The following SLC6A20 variants were observed in gnomAD, a reference collection of about 807,000 sequenced individuals.
The protein encoded by SLC6A20 is sodium- and chloride-dependent transporter XTRP3.
Under a neutral mutation model 64.3 loss-of-function variants are expected in SLC6A20, and 73 were observed. The ratio of observed to expected loss-of-function variants is 1.14; its 90% CI spans 0.94 to 1.38. SLC6A20 has a LOEUF of 1.38. Among genes scored for constraint, SLC6A20 ranks in the 40% most tolerant of loss-of-function variants. The probability of loss-of-function intolerance (pLI) is 0.00; values close to 1 mark genes in which losing one functional copy is unlikely to be tolerated. For missense variants in SLC6A20, 725 were observed against 772.8 expected, an observed-to-expected ratio of 0.94 and a Z score of 0.73; for synonymous variants, 347 against 329.6, an observed-to-expected ratio of 1.05 and a Z score of -0.57.
chr3:45,764,708 C>CAAAAA (rs71288017), intron 8 of SLC6A20, among the ~76,000 whole-genome samples: 40 of 107,270 alleles, frequency 3.7e-4, no homozygotes, highest in Non-Finnish European at 6.6e-4. Flanking sequence ...TCTTTAAAAA[C>CAAAAA]AAAAAAAAAA....
chr3:45,780,051 G>A lies in SLC6A20; in HGVS notation c.312C>T (p.Val104=). ...VSFFLSMYYN[V]INAWAFWYLF... ...GGTACCAGAAGGCCCAGGCGTTGAT[G>A]ACGTTGTAGTACATGGAGAGGAAGA... Residue 104 remains valine, a synonymous_variant, in exon 3 of 11, where the codon GTC becomes GTT. Transcript: ENST00000358525. 1 of 1,605,606 alleles carries A rather than the reference G, an allele frequency of 6.2e-7. No homozygotes were observed.
chr3:45,795,893 T>C (rs1215610299), intron 1 of SLC6A20, among the ~76,000 whole-genome samples: 1 of 152,226 alleles, frequency 6.6e-6, no homozygotes, highest in African/African-American at 2.4e-5. Context: ...GAAAGTTGTA[T>C]AACGAGTTTC....
chr3:45,768,729 A>G (rs1303030189), intron 7 of SLC6A20, among the ~76,000 whole-genome samples: 2 of 152,176 alleles, frequency 1.3e-5, no homozygotes, highest in Non-Finnish European at 2.9e-5. Flanking sequence ...CCACCCCAAA[A>G]ATATCAACCT....
chr3:45,765,941 C>G lies in SLC6A20; in HGVS notation c.1099-200G>C, dbSNP rs540144924. On this transcript the variant is annotated intron_variant, in intron 7 of 10. Coordinates refer to ENST00000358525, the MANE Select transcript of SLC6A20 (RefSeq NM_020208.4). The surrounding 1 kb of genome is among the most constrained non-coding windows in gnomAD (Gnocchi z 4.2). Reference sequence around the variant, plus strand: ...GGGAGCTGCCAGGAGCTCATATATGCAAAGCACGTGAGAACTTGTAGCCAG... The same window carrying G: ...GGGAGCTGCCAGGAGCTCATATATGGAAAGCACGTGAGAACTTGTAGCCAG... Among the ~76,000 whole-genome samples, 14 of 152,354 alleles carry G rather than the reference C, an allele frequency of 9.2e-5. No homozygotes were observed. The highest frequency in any genetic ancestry group is 3.4e-4 in the African/African-American group (14 of 41,582).
At position 45,762,499 on chromosome 3, in the gene SLC6A20, CT is replaced by C. The variant is rs1699701337; in HGVS notation, c.1463+413del. On this transcript the variant is annotated intron_variant, in intron 9 of 10. Coordinates refer to ENST00000358525, the MANE Select transcript of SLC6A20 (RefSeq NM_020208.4). ...CTGTGCACTGGGATTGAGAACCTCA[CT>C]GACTAAATTTTGAATCTGCCAAATT... is the stretch of plus-strand genomic sequence containing the variant. Among the ~76,000 whole-genome samples the C allele has an allele frequency of 3.9e-5, 6 of 152,350 alleles. No homozygotes were observed. In the South Asian group the frequency reaches 1.0e-3, roughly 26 times the overall value.
intron 9 of SLC6A20, 57 bp downstream of exon 9, chr3:45,762,856 G>A: frequency 6.3e-7 from 1 of 1,599,708 alleles, no homozygotes; most frequent in Non-Finnish European, 8.6e-7. Flanking sequence ...TCCTTGAGGG[G>A]CGTGGCCTCT....
At chr3:45,759,171 A>G in intron 10 of SLC6A20, 44 bp from the exon 11 acceptor site, 5 of 1,569,510 alleles carry the variant, frequency 3.2e-6, no homozygotes, top group Non-Finnish European at 4.3e-6. Flanking sequence ...CCTGCTGAGC[A>G]CTGCCCCTGG....
intron 5 of SLC6A20, 119 bp from the exon 6 acceptor site, chr3:45,771,577 G>T (rs899852366): frequency 2.0e-6 from 3 of 1,505,692 alleles, no homozygotes; most frequent in Non-Finnish European, 2.7e-6. Context: ...GCAGCCATCA[G>T]GGGCACCCCT....
intron 1 of SLC6A20, 141 bp downstream of exon 1, chr3:45,796,158 C>T: frequency 6.8e-7 from 1 of 1,462,214 alleles, no homozygotes; most frequent in East Asian, 2.6e-5. Flanking sequence ...GGAACACTCC[C>T]GGGTCTGTAA....
At chr3:45,770,803 TAA>T (rs1370281635) in intron 6 of SLC6A20, among the ~76,000 whole-genome samples, 1 of 152,216 alleles carries the variant, frequency 6.6e-6, no homozygotes, top group Non-Finnish European at 1.5e-5. Flanking sequence ...TGTAAATTTG[TAA>T]ATAGCCACTT....
rs780083357 is a variant in SLC6A20, at chr3:45,772,598, C to T, written c.600G>A (p.Ala200=). The T allele has an allele frequency of 2.0e-5, 32 of 1,613,546 alleles. No homozygotes were observed. The African/African-American group carries it at 2.3e-4, about 11-fold the overall frequency. ...ESTGKVVYFT[A]SLPYCVLIIY... ...TGATGAGCACGCAATAGGGCAGTGA[C>T]GCCGTGAAATACACCACCTGCGGGC... is the stretch of plus-strand genomic sequence containing the variant. Residue 200 remains alanine (A), a synonymous_variant, in exon 5 of 11, where the codon GCG becomes GCA. Transcript: ENST00000358525.
rs143463150 is a variant in SLC6A20 at position 45,777,490 on chromosome 3, T to C, written c.355-1502A>G. Among the ~76,000 whole-genome samples the C allele has an allele frequency of 8.9e-3, 1,350 of 152,334 alleles. 28 individuals carry two copies. Among genetic ancestry groups the C allele is most frequent in the African/African-American group, 0.03 (1,257 of 41,572 alleles). On this transcript the variant is annotated intron_variant, in intron 3 of 10. Transcript: ENST00000358525. Reference sequence around the variant, plus strand: ...CTCAGCCTGTGAGTCTGGGCTGTCCTCCGATGCAAGCTGACCAACTGAATA... The same window carrying C: ...CTCAGCCTGTGAGTCTGGGCTGTCCCCCGATGCAAGCTGACCAACTGAATA...
chr3:45,782,030 C>T (rs1026457731), intron 2 of SLC6A20, 53 bp downstream of exon 2: 17 of 1,525,834 alleles, frequency 1.1e-5, no homozygotes, highest in Non-Finnish European at 1.4e-5. Flanking sequence ...CCACCCACAC[C>T]CCCATGCTGC....
chr3:45,770,238 T>A lies in SLC6A20; in HGVS notation c.1069A>T (p.Asn357Tyr), dbSNP rs1002656613. Reference protein sequence around the residue: ...KYSEMFPQIKNCSLESELDTA... With the variant: ...KYSEMFPQIKYCSLESELDTA... ...TCTAGCTCCGATTCCAAGCTGCAGT[T>A]TTTGATTTGCGGGAACATCTCGCTG... The change falls in exon 7 of 11, where the codon AAC becomes TAC. Residue 357 changes from asparagine to tyrosine, a missense_variant. Asn to Tyr is a moderately radical substitution (Grantham distance 143). Coordinates refer to ENST00000358525, the MANE Select transcript of SLC6A20 (RefSeq NM_020208.4). 1.2e-6 allele frequency: 2 copies of A among 1,614,212 alleles called. No homozygotes were observed. The highest frequency in any genetic ancestry group is 1.1e-5 in the South Asian group (1 of 91,080).
chr3:45,773,447 C>G (rs1479599089), intron 4 of SLC6A20, among the ~76,000 whole-genome samples: 1 of 152,180 alleles, frequency 6.6e-6, no homozygotes, highest in Non-Finnish European at 1.5e-5. Context: ...CTTTAGTAGT[C>G]ACCTGTCATG....
At chr3:45,763,898 A>G (rs1341885293) in intron 8 of SLC6A20, among the ~76,000 whole-genome samples, 1 of 152,086 alleles carries the variant, frequency 6.6e-6, no homozygotes, top group Admixed American at 6.5e-5. Flanking sequence ...GGGGACACAC[A>G]AGGAGAAAGG....
chr3:45,775,559 T>C (rs552446111), intron 4 of SLC6A20, among the ~76,000 whole-genome samples: 1 of 152,242 alleles, frequency 6.6e-6, no homozygotes, highest in African/African-American at 2.4e-5. Context: ...ACTTTAACCA[T>C]CTCTGGCCCT....
intron 1 of SLC6A20, among the ~76,000 whole-genome samples, chr3:45,795,848 C>G (rs964744195): frequency 6.6e-6 from 1 of 152,252 alleles, no homozygotes; most frequent in Non-Finnish European, 1.5e-5. Flanking sequence ...TTCTCTTAAC[C>G]TGAGTTTCAA....
At position 45,764,657 on chromosome 3, in the gene SLC6A20, G is replaced by A. The variant is rs773571522; in HGVS notation, c.1303+880C>T. ...GTGGAGGTTGCAGTGAGCCAAGATCGCACCATTGCACTCCAGCCTGGGTGA... is the reference window on the plus strand; with the variant it reads ...GTGGAGGTTGCAGTGAGCCAAGATCACACCATTGCACTCCAGCCTGGGTGA... On this transcript the variant is annotated intron_variant, in intron 8 of 10. Transcript: ENST00000358525. Among the ~76,000 whole-genome samples, 127 of 144,042 alleles carry A rather than the reference G, an allele frequency of 8.8e-4. 2 individuals are homozygous for A. The highest frequency in any genetic ancestry group is 1.5e-3 in the Non-Finnish European group (97 of 66,162). 94.5% of individuals were successfully genotyped at this position (144,042 alleles called of 152,430 possible).
Sources: gnomAD v4.1 joint callset for allele counts (sites outside exome capture counted in the v4.1 genomes callset) on GRCh38, gnomAD v4.1.1 for gene constraint, Gnocchi (gnomAD v3.1) non-coding constraint, MANE v1.5 for transcripts, NCBI Gene and HGNC (gene_info 2026-07-23, HGNC 2026-07-21) for gene names.